TCF12: variants seen among roughly 807,000 people sequenced by gnomAD.
The protein encoded by TCF12 is DNA-binding protein HTF4.
TCF12 carries 45 observed loss-of-function variants against 86.0 expected under a neutral mutation model. That is an observed-to-expected ratio of 0.52 (90% confidence interval 0.41 to 0.67). The LOEUF is 0.67. Among genes scored for constraint, TCF12 ranks in the 30% least tolerant of loss-of-function variants. The probability of loss-of-function intolerance (pLI) is 0.00; values close to 1 mark genes in which losing one functional copy is unlikely to be tolerated. For synonymous variants in TCF12, 330 were observed against 299.6 expected, an observed-to-expected ratio of 1.10 and a Z score of -1.05; for missense variants, 881 against 859.9, an observed-to-expected ratio of 1.02 and a Z score of -0.31.
intron 12 of TCF12, among the ~76,000 whole-genome samples, 176 bp downstream of exon 12, chr15:57,234,283 G>A (rs556988179): frequency 7.2e-5 from 11 of 152,260 alleles, no homozygotes; most frequent in Admixed American, 6.5e-4. Context: ...TATGCCTGTG[G>A]TACAGCAAAT....
At chr15:57,227,864 C>T (rs530270655) in intron 8 of TCF12, among the ~76,000 whole-genome samples, 2 of 151,960 alleles carry the variant, frequency 1.3e-5, no homozygotes, top group African/African-American at 4.8e-5. Flanking sequence ...TTAATTTTAC[C>T]CTTTTTCTAT....
At chr15:57,167,872 T>C (rs1370587176) in intron 6 of TCF12, among the ~76,000 whole-genome samples, 2 of 152,218 alleles carry the variant, frequency 1.3e-5, no homozygotes, top group African/African-American at 2.4e-5. Context: ...CTTTATTTTA[T>C]TCTAGTCATT....
At chr15:57,131,258 A>G (rs1323205658) in intron 5 of TCF12, among the ~76,000 whole-genome samples, 1 of 152,132 alleles carries the variant, frequency 6.6e-6, no homozygotes, top group African/African-American at 2.4e-5. Context: ...GAGACCAGTC[A>G]CTGCTCTTTA....
chr15:57,011,379 G>GC (rs1351006144), intron 3 of TCF12, among the ~76,000 whole-genome samples: 1 of 151,698 alleles, frequency 6.6e-6, no homozygotes, highest in Non-Finnish European at 1.5e-5. Context: ...TGAGACACCT[G>GC]CCCCCCGCTT....
In TCF12 at chr15:57,063,771, C is replaced by G. The variant is rs200230114; in HGVS notation, c.170C>G (p.Thr57Arg). The change falls in exon 4 of 21, where the codon ACA becomes AGA. Residue 57 changes from threonine (T) to arginine (R), a missense_variant. Transcript: ENST00000333725. ...SGSGIDERGG[T>R]TSWGTSGQPS... Reference sequence around the variant, plus strand: ...TTAGGTATTGATGAAAGAGGAGGTACAACATCTTGGGGAACAAGTGGTCAA... The same window carrying G: ...TTAGGTATTGATGAAAGAGGAGGTAGAACATCTTGGGGAACAAGTGGTCAA... 4.9e-5 allele frequency: 78 copies of G among 1,603,376 alleles called. No homozygotes were observed. Among genetic ancestry groups the G allele is most frequent in the Non-Finnish European group, 5.7e-5 (67 of 1,172,080 alleles).
chr15:57,221,368 T>G (rs2058580252), intron 8 of TCF12, among the ~76,000 whole-genome samples: 1 of 131,688 alleles, frequency 7.6e-6, no homozygotes, highest in Non-Finnish European at 1.6e-5. Flanking sequence ...ACATGGTATG[T>G]GGGTATGTGT....
chr15:57,281,105 T>TTC, intron 19 of TCF12, among the ~76,000 whole-genome samples: 1 of 8,900 alleles, frequency 1.1e-4, no homozygotes, highest in South Asian at 4.9e-3. Context: ...CACCCTATTC[T>TTC]TTTTTTTTTT....
At chr15:57,167,920 G>A (rs1400309895) in intron 6 of TCF12, among the ~76,000 whole-genome samples, 2 of 152,166 alleles carry the variant, frequency 1.3e-5, no homozygotes, top group African/African-American at 4.8e-5. Flanking sequence ...CATAGCCAGT[G>A]TTTTGCCTTA....
At chr15:57,100,569 A>G (rs1284940020) in intron 5 of TCF12, among the ~76,000 whole-genome samples, 3 of 152,176 alleles carry the variant, frequency 2.0e-5, no homozygotes, top group African/African-American at 7.2e-5. Context: ...AGCCCAGACT[A>G]ACTTCTTATA....
intron 5 of TCF12, among the ~76,000 whole-genome samples, chr15:57,161,816 T>C (rs2054524146): frequency 6.6e-6 from 1 of 152,218 alleles, no homozygotes; most frequent in Admixed American, 6.5e-5. Flanking sequence ...GTTGCAGATA[T>C]CTTAAGCTAT....
At chr15:57,173,361 A>G (rs1285708838) in intron 6 of TCF12, among the ~76,000 whole-genome samples, 1 of 152,224 alleles carries the variant, frequency 6.6e-6, no homozygotes, top group Admixed American at 6.5e-5. Context: ...AAAGAAACAC[A>G]AAGTAAACCC....
chr15:57,251,214 C>G (rs778557106), intron 13 of TCF12, 136 bp from the exon 14 acceptor site: 7 of 608,628 alleles, frequency 1.2e-5, no homozygotes, highest in Non-Finnish European at 2.0e-5. Flanking sequence ...TATAAGTAGC[C>G]AATACTATGC....
chr15:57,162,758 A>C (rs1274863796), intron 5 of TCF12, among the ~76,000 whole-genome samples: 1 of 152,216 alleles, frequency 6.6e-6, no homozygotes, highest in Non-Finnish European at 1.5e-5. Flanking sequence ...TTAAGATTGT[A>C]TTTAAAAGCT....
intron 18 of TCF12, among the ~76,000 whole-genome samples, chr15:57,263,911 C>A (rs1036521269): frequency 1.3e-5 from 2 of 151,970 alleles, no homozygotes; most frequent in African/African-American, 4.8e-5. Flanking sequence ...TTGCAGGACT[C>A]GAAATTGCTC....
intron 5 of TCF12, among the ~76,000 whole-genome samples, chr15:57,106,829 A>T (rs1596556569): frequency 6.6e-6 from 1 of 152,360 alleles, no homozygotes. Flanking sequence ...ATTGTATGTA[A>T]TGTAATTAAG....
rs1388517057 is a variant in TCF12, at chr15:57,232,694, A to C, written c.826-18A>C. On this transcript the variant is annotated intron_variant, in intron 10 of 20. Coordinates refer to ENST00000333725, the MANE Select transcript of TCF12 (RefSeq NM_207037.2). ...ATTCAGAAAATATATTTAATAGATCATATCTCTTTCCATCTAGAGTTATCC... is the reference window on the plus strand; with the variant it reads ...ATTCAGAAAATATATTTAATAGATCCTATCTCTTTCCATCTAGAGTTATCC... 6.2e-7 allele frequency: 1 copy of C among 1,606,044 alleles called. No homozygotes were observed. The highest frequency in any genetic ancestry group is 1.3e-5 in the African/African-American group (1 of 74,254).
chr15:56,979,586 G>A (rs1481837348), intron 3 of TCF12, among the ~76,000 whole-genome samples: 2 of 152,132 alleles, frequency 1.3e-5, no homozygotes, highest in African/African-American at 4.8e-5. Context: ...AGAGAAACAC[G>A]TTGAATGGTC....
intron 5 of TCF12, among the ~76,000 whole-genome samples, chr15:57,122,109 A>G (rs1203980843): frequency 1.3e-5 from 2 of 150,374 alleles, no homozygotes; most frequent in African/African-American, 4.9e-5. Flanking sequence ...AAAAAAAAAA[A>G]AAAAACCACC....
At chr15:56,963,317 A>G (rs1391051826) in intron 3 of TCF12, among the ~76,000 whole-genome samples, 1 of 152,198 alleles carries the variant, frequency 6.6e-6, no homozygotes, top group East Asian at 1.9e-4. Flanking sequence ...CACACCCTTG[A>G]ACTCTGGCTG....
Sources: allele counts gnomAD v4.1 joint callset (sites outside exome capture counted in the v4.1 genomes callset), GRCh38; gene constraint gnomAD v4.1.1; transcripts MANE v1.5; gene names NCBI Gene and HGNC (gene_info 2026-07-23, HGNC 2026-07-21).